YES1: variants seen among roughly 807,000 people sequenced by gnomAD.
The protein encoded by YES1 is tyrosine-protein kinase Yes.
In YES1, 39 loss-of-function variants were observed where a neutral mutation model predicts 70.4. The observed-to-expected ratio is 0.55, with a 90% confidence interval of 0.43 to 0.72. The LOEUF (loss-of-function observed/expected upper bound fraction) is 0.72, where lower values mean the gene tolerates loss of function less well. YES1 is among the 30% of genes least tolerant of loss of function. The pLI, the probability that YES1 is intolerant of heterozygous loss-of-function variation, is 0.00. For missense variants in YES1, 495 were observed against 644.8 expected (o/e 0.77, Z 2.52); for synonymous variants, 198 against 218.6 (o/e 0.91, Z 0.83).
At chr18:803,671 G>A (rs548226378) in intron 1 of YES1, among the ~76,000 whole-genome samples, 72 of 152,292 alleles carry the variant, frequency 4.7e-4, no homozygotes, top group Non-Finnish European at 8.4e-4. Flanking sequence ...TCTCCTAACA[G>A]GGAACTCAAA....
Position 752,190 on chromosome 18 carries a change from C to T in YES1, c.272-386G>A, listed in dbSNP as rs139987244. Reference sequence around the variant, plus strand: ...TGGTGTGATTTTGGCTTGCTGTAACCTCTGCCTCCTAGGTTCAAGTGATTC... The same window carrying T: ...TGGTGTGATTTTGGCTTGCTGTAACTTCTGCCTCCTAGGTTCAAGTGATTC... On this transcript the variant is annotated intron_variant, in intron 2 of 11. Coordinates refer to ENST00000314574, the MANE Select transcript of YES1 (RefSeq NM_005433.4). Among the ~76,000 whole-genome samples the T allele has an allele frequency of 9.2e-5, 14 of 152,316 alleles. No homozygotes were observed. In the East Asian group the frequency reaches 2.7e-3, roughly 29 times the overall value.
chr18:765,607 C>T (rs1312124825), intron 1 of YES1, among the ~76,000 whole-genome samples: 3 of 152,032 alleles, frequency 2.0e-5, no homozygotes, highest in Admixed American at 2.0e-4. Flanking sequence ...ACCTTATTGG[C>T]CAGTCTGGTC....
rs2079980418 is a variant in YES1, at chr18:723,205, CTTCA to C, written c.*1215_*1218del. ...CACTGCAATGAATGTGAAGCCATAA[CTTCA>C]TTATTTTGAACAAATACCCATTTAG... is the stretch of plus-strand genomic sequence containing the variant. On this transcript the variant is annotated 3_prime_UTR_variant, in exon 12 of 12. Coordinates refer to ENST00000314574, the MANE Select transcript of YES1 (RefSeq NM_005433.4). The C allele has an allele frequency of 6.6e-6, 1 of 152,242 alleles. No homozygotes were observed. Among genetic ancestry groups the C allele is most frequent in the South Asian group, 2.1e-4 (1 of 4,836 alleles). 9.4% of individuals were successfully genotyped at this position (152,242 alleles called of 1,614,324 possible).
At chr18:778,525 G>C (rs1322156521) in intron 1 of YES1, among the ~76,000 whole-genome samples, 1 of 152,042 alleles carries the variant, frequency 6.6e-6, no homozygotes, top group Non-Finnish European at 1.5e-5. Flanking sequence ...TCCTATAAAT[G>C]AACTCTAATA....
chr18:731,945 C>A (rs78515215), intron 11 of YES1, among the ~76,000 whole-genome samples: 2 of 116,356 alleles, frequency 1.7e-5, no homozygotes, highest in Admixed American at 1.2e-4. Flanking sequence ...CCAGCCTGGG[C>A]GACAGAGCGA....
Position 764,101 on chromosome 18 carries a change from C to G in YES1, c.-8-7266G>C, listed in dbSNP as rs565431637. ...CACCACTGCACTCCAGCCTGGGCGA[C>G]AGAGCGAGACTCCCTCTCAAAAAAA... On this transcript the variant is annotated intron_variant, in intron 1 of 11. Coordinates refer to ENST00000314574, the MANE Select transcript of YES1 (RefSeq NM_005433.4). Among the ~76,000 whole-genome samples the G allele has an allele frequency of 2.9e-5, 4 of 137,974 alleles. No homozygotes were observed. The East Asian group carries it at 8.4e-4, about 29-fold the overall frequency. 90.5% of individuals were successfully genotyped at this position (137,974 alleles called of 152,430 possible).
At chr18:758,650 T>C (rs1468345003) in intron 1 of YES1, among the ~76,000 whole-genome samples, 1 of 152,180 alleles carries the variant, frequency 6.6e-6, no homozygotes, top group African/African-American at 2.4e-5. Flanking sequence ...TTATAATCAG[T>C]AAAATATCTT....
intron 9 of YES1, 129 bp from the exon 10 acceptor site, chr18:737,090 G>A: frequency 1.2e-5 from 9 of 761,834 alleles, no homozygotes; most frequent in South Asian, 4.2e-5. Flanking sequence ...ATGGTAACAG[G>A]GTATAGTCTA....
intron 1 of YES1, among the ~76,000 whole-genome samples, chr18:767,736 C>G (rs1273201979): frequency 6.6e-6 from 1 of 152,144 alleles, no homozygotes; most frequent in African/African-American, 2.4e-5. Flanking sequence ...GAGTCTCGCT[C>G]TGTGCCTAGG....
chr18:728,728 A>C (rs1324988309), intron 11 of YES1, among the ~76,000 whole-genome samples: 2 of 152,052 alleles, frequency 1.3e-5, no homozygotes, highest in Non-Finnish European at 2.9e-5. Flanking sequence ...GTTTCACTAC[A>C]TTGGCCAGGA....
chr18:786,122 T>C (rs2145806671), intron 1 of YES1, among the ~76,000 whole-genome samples: 1 of 152,260 alleles, frequency 6.6e-6, no homozygotes, highest in South Asian at 2.1e-4. Flanking sequence ...TGTGGTACTG[T>C]TATAGCAACA....
At chr18:781,684 C>T (rs1278921853) in intron 1 of YES1, among the ~76,000 whole-genome samples, 1 of 152,172 alleles carries the variant, frequency 6.6e-6, no homozygotes, top group South Asian at 2.1e-4. Flanking sequence ...GTCAGACACA[C>T]ATTTCAATTC....
At chr18:745,915 TTTATAC>T (rs2080275649) in intron 5 of YES1, 27 bp downstream of exon 5, 11 of 1,601,046 alleles carry the variant, frequency 6.9e-6, no homozygotes, top group Middle Eastern at 1.7e-4. Context: ...CCCAAGAAAT[TTTATAC>T]TTATACTAAT....
At chr18:731,838 G>A (rs570601621) in intron 11 of YES1, among the ~76,000 whole-genome samples, 37 of 152,024 alleles carry the variant, frequency 2.4e-4, no homozygotes, top group South Asian at 2.1e-3. Flanking sequence ...GTGGTGGCGG[G>A]TGCCTATAGT....
At chr18:793,148 T>A (rs1057159452) in intron 1 of YES1, among the ~76,000 whole-genome samples, 3 of 151,442 alleles carry the variant, frequency 2.0e-5, no homozygotes, top group Non-Finnish European at 4.4e-5. Flanking sequence ...CAAGCGATAC[T>A]CCTGCCTCAG....
At chr18:732,748 C>T (rs2080107411) in intron 11 of YES1, 86 bp downstream of exon 11, 1 of 1,568,616 alleles carries the variant, frequency 6.4e-7, no homozygotes, top group African/African-American at 1.4e-5. Flanking sequence ...AAATAAAGGC[C>T]TTTTCCCCGC....
chr18:802,065 T>C (rs1193846434), intron 1 of YES1, among the ~76,000 whole-genome samples: 2 of 152,204 alleles, frequency 1.3e-5, no homozygotes, highest in African/African-American at 4.8e-5. Flanking sequence ...AGCTGATATC[T>C]ATTATAAAAC....
At chr18:744,765 C>G (rs2145711667) in intron 6 of YES1, among the ~76,000 whole-genome samples, 1 of 142,704 alleles carries the variant, frequency 7.0e-6, no homozygotes, top group Non-Finnish European at 1.5e-5. Context: ...AACTCCTGGC[C>G]TCAAGTGATC....
chr18:729,969 A>G (rs1027700382), intron 11 of YES1, among the ~76,000 whole-genome samples: 1 of 152,084 alleles, frequency 6.6e-6, no homozygotes, highest in African/African-American at 2.4e-5. Flanking sequence ...CCTTCTTCAT[A>G]TATCTAGTAA....
Sources: allele counts gnomAD v4.1 joint callset (sites outside exome capture counted in the v4.1 genomes callset), GRCh38; gene constraint gnomAD v4.1.1; transcripts MANE v1.5; gene names NCBI Gene and HGNC (gene_info 2026-07-23, HGNC 2026-07-21).